Variants in MSH4 observed in about 807,000 individuals in gnomAD.
The protein encoded by MSH4 is mutS protein homolog 4.
A neutral mutation model predicts 113.7 loss-of-function variants in MSH4; 106 were observed. The ratio of observed to expected loss-of-function variants is 0.93; its 90% CI spans 0.80 to 1.10. The LOEUF is 1.10. Ranked by LOEUF, MSH4 falls within the 50% of genes least tolerant of loss-of-function variation. MSH4 has a pLI of 0.00. For missense variants in MSH4, 1,061 were observed against 1,093.7 expected (o/e 0.97, Z 0.42); for synonymous variants, 368 against 380.2 (o/e 0.97, Z 0.37).
rs995815692 is a variant in MSH4, at chr1:75,856,654, A to C, written c.1230+8378A>C. Reference sequence around the variant, plus strand: ...ATGGCTGCACAGTATTCCATGGTGTATATGTGCCACAATTTCTTAATCCAG... The same window carrying C: ...ATGGCTGCACAGTATTCCATGGTGTCTATGTGCCACAATTTCTTAATCCAG... On this transcript the variant is annotated intron_variant, in intron 8 of 19. Coordinates refer to ENST00000263187, the MANE Select transcript of MSH4 (RefSeq NM_002440.4). 2.6e-5 allele frequency among the ~76,000 whole-genome samples: 4 copies of C among 152,172 alleles called. No homozygotes were observed. In the South Asian group the frequency reaches 8.3e-4, roughly 31 times the overall value.
intron 11 of MSH4, 121 bp from the exon 12 acceptor site, chr1:75,878,871 C>T (rs5745447): frequency 1.4e-5 from 11 of 783,954 alleles, no homozygotes; most frequent in African/African-American, 9.1e-5. Context: ...GCAACAAGAC[C>T]TCCTATTTAT....
At chr1:75,850,819 C>T (rs1184788050) in intron 8 of MSH4, among the ~76,000 whole-genome samples, 1 of 151,828 alleles carries the variant, frequency 6.6e-6, no homozygotes, top group Non-Finnish European at 1.5e-5. Flanking sequence ...TCTATTTTTC[C>T]TTTCAGTTTT....
At chr1:75,832,422 C>G (rs1389100427) in intron 7 of MSH4, among the ~76,000 whole-genome samples, 1 of 152,156 alleles carries the variant, frequency 6.6e-6, no homozygotes, top group Non-Finnish European at 1.5e-5. Context: ...GGAATCCTCC[C>G]TAACTCATTT....
chr1:75,855,134 C>T (rs1651287428), intron 8 of MSH4, among the ~76,000 whole-genome samples: 1 of 151,956 alleles, frequency 6.6e-6, no homozygotes, highest in South Asian at 2.1e-4. Context: ...ACCTCCCTGG[C>T]TTGTGCAATC....
At chr1:75,882,666 A>ATT (rs1322786233) in intron 14 of MSH4, among the ~76,000 whole-genome samples, 1 of 21,538 alleles carries the variant, frequency 4.6e-5, no homozygotes, top group African/African-American at 1.2e-4. Context: ...TCATTTCTAA[A>ATT]AAAAAAAAAA....
At chr1:75,835,533 T>C (rs1164257746) in intron 7 of MSH4, among the ~76,000 whole-genome samples, 3 of 152,198 alleles carry the variant, frequency 2.0e-5, no homozygotes, top group Non-Finnish European at 4.4e-5. Flanking sequence ...TTTATACTTA[T>C]CTACTTTTCA....
chr1:75,884,683 G>A (rs918939660), intron 15 of MSH4, among the ~76,000 whole-genome samples: 23 of 151,908 alleles, frequency 1.5e-4, no homozygotes, highest in African/African-American at 5.6e-4. Flanking sequence ...CAAGATACTA[G>A]TAGTGTCATG....
chr1:75,897,032 A>G (rs545846015), intron 17 of MSH4, among the ~76,000 whole-genome samples: 1 of 152,232 alleles, frequency 6.6e-6, no homozygotes, highest in East Asian at 1.9e-4. Flanking sequence ...TTTGCCAATC[A>G]ATTATTTTTA....
intron 15 of MSH4, among the ~76,000 whole-genome samples, chr1:75,885,556 A>G (rs936226690): frequency 1.8e-5 from 2 of 112,412 alleles, no homozygotes; most frequent in African/African-American, 6.7e-5. Context: ...GGTAATATAT[A>G]TGTATATGTA....
At chr1:75,828,468 T>C (rs1430671624) in intron 7 of MSH4, among the ~76,000 whole-genome samples, 1 of 152,214 alleles carries the variant, frequency 6.6e-6, no homozygotes, top group African/African-American at 2.4e-5. Context: ...CTTGGAATAC[T>C]ATGCTGTTAT....
At chr1:75,908,767 T>G (rs1571004729) in intron 19 of MSH4, among the ~76,000 whole-genome samples, 1 of 152,314 alleles carries the variant, frequency 6.6e-6, no homozygotes, top group East Asian at 1.9e-4. Context: ...TGTCTGTGAT[T>G]CCCCTTAATC....
chr1:75,867,446 A>T, intron 8 of MSH4, 68 bp from the exon 9 acceptor site: 1 of 856,516 alleles, frequency 1.2e-6, no homozygotes, highest in Non-Finnish European at 1.9e-6. Context: ...AGAATGTTCA[A>T]GAGGAAAACC....
intron 16 of MSH4, 122 bp from the exon 17 acceptor site, chr1:75,890,574 G>T: frequency 2.0e-6 from 1 of 511,244 alleles, no homozygotes; most frequent in Non-Finnish European, 3.4e-6. Context: ...CTGCTCAGCA[G>T]GATGTCTCTA....
intron 1 of MSH4, 93 bp downstream of exon 1, chr1:75,797,322 A>T: frequency 6.8e-7 from 1 of 1,466,194 alleles, no homozygotes. Context: ...TACCACAGTG[A>T]AGTTGTGATT....
At chr1:75,838,150 T>G (rs55970724) in intron 7 of MSH4, among the ~76,000 whole-genome samples, 10,941 of 152,278 alleles carry the variant, frequency 0.072, 516 homozygotes, top group African/African-American at 0.13. Flanking sequence ...AAAATCAGTA[T>G]GTCAGCAGGT....
intron 15 of MSH4, among the ~76,000 whole-genome samples, chr1:75,884,423 A>G (rs1295727629): frequency 2.0e-5 from 3 of 152,132 alleles, no homozygotes; most frequent in Non-Finnish European, 4.4e-5. Context: ...TGAGAACTAT[A>G]TGAATCAGAG....
intron 8 of MSH4, among the ~76,000 whole-genome samples, 156 bp from the exon 9 acceptor site, chr1:75,867,357 TC>T (rs1414159493): frequency 0.021 from 3,268 of 152,204 alleles, 123 homozygotes; most frequent in African/African-American, 0.075. Flanking sequence ...TTATGGTGGG[TC>T]AATAATTTTG....
chr1:75,872,807 T>C (rs929543326), intron 9 of MSH4, among the ~76,000 whole-genome samples: 1 of 152,226 alleles, frequency 6.6e-6, no homozygotes, highest in African/African-American at 2.4e-5. Flanking sequence ...TGATTGAGCA[T>C]CTGCTGATCA....
At chr1:75,813,912 G>T (rs904967536) in intron 4 of MSH4, among the ~76,000 whole-genome samples, 7 of 151,970 alleles carry the variant, frequency 4.6e-5, no homozygotes, top group Non-Finnish European at 8.8e-5. Flanking sequence ...GGACTTCAAA[G>T]AAATCTAAAT....
Sources: gnomAD v4.1 joint callset for allele counts (sites outside exome capture counted in the v4.1 genomes callset) on GRCh38, gnomAD v4.1.1 for gene constraint, MANE v1.5 for transcripts, NCBI Gene and HGNC (gene_info 2026-07-23, HGNC 2026-07-21) for gene names.